IDH3G: variants seen among roughly 807,000 people sequenced by gnomAD.
IDH3G encodes isocitrate dehydrogenase [NAD] subunit gamma, mitochondrial.
Under a neutral mutation model 26.9 loss-of-function variants are expected in IDH3G, and 9 were observed. The observed-to-expected ratio is 0.34, with a 90% confidence interval of 0.20 to 0.58. The LOEUF (loss-of-function observed/expected upper bound fraction) is 0.58. Ranked by LOEUF, IDH3G falls within the 20% of genes least tolerant of loss-of-function variation. The pLI, the probability that IDH3G is intolerant of heterozygous loss-of-function variation, is 0.85. For missense variants in IDH3G, 250 were observed against 372.8 expected (o/e 0.67, Z 2.71); for synonymous variants, 181 against 160.0 (o/e 1.13, Z -0.99).
In IDH3G at chrX:153,786,782, C is replaced by T; in HGVS notation, c.924+19G>A. On this transcript the variant is annotated intron_variant, in intron 10 of 12. Coordinates refer to ENST00000217901, the MANE Select transcript of IDH3G (RefSeq NM_004135.4). Reference sequence around the variant, plus strand: ...ACAGGAGAAAGGCGGCAAGCCGCGGCACTGCCACCGGCACTCACTGTTTCA... The same window carrying T: ...ACAGGAGAAAGGCGGCAAGCCGCGGTACTGCCACCGGCACTCACTGTTTCA... 1 of 1,194,069 alleles carries T rather than the reference C, an allele frequency of 8.4e-7. No individual in the cohort carries two copies. The highest frequency in any genetic ancestry group is 1.1e-6 in the Non-Finnish European group (1 of 882,600).
intron 9 of IDH3G, 25 bp from the exon 10 acceptor site, chrX:153,786,972 TGAG>T: frequency 8.3e-7 from 1 of 1,203,669 alleles, no homozygotes. Context: ...GGGGGCTGGC[TGAG>T]GAGCAGATTC....
Position 153,793,734 on chromosome X carries a change from C to T in IDH3G, c.81+512G>A, listed in dbSNP as rs782682583. On this transcript the variant is annotated intron_variant, in intron 1 of 12. Transcript: ENST00000217901. ...GCAAAACCCCCGCAGCCTCAGAAACCCTAGCTCCTTCCCATTCCAGGCGCC... is the reference window on the plus strand; with the variant it reads ...GCAAAACCCCCGCAGCCTCAGAAACTCTAGCTCCTTCCCATTCCAGGCGCC... 1.4e-3 allele frequency: 160 copies of T among 112,290 alleles called. 1 individual carries two copies. The highest frequency in any genetic ancestry group is 1.8e-3 in the Non-Finnish European group (94 of 53,269). The allele number at this position is 112,290 out of a possible 1,213,427, so 9.3% of individuals were successfully genotyped here.
intron 1 of IDH3G, among the ~76,000 whole-genome samples, chrX:153,793,026 G>A (rs782544985): frequency 1.2e-4 from 13 of 111,995 alleles, no homozygotes; most frequent in Admixed American, 2.8e-4. Flanking sequence ...TTCCTATGGC[G>A]TCCAAATCAG....
In IDH3G at chrX:153,786,914, C is replaced by T. The variant is rs2092090729; in HGVS notation, c.811G>A (p.Val271Met). Residue 271 changes from valine to methionine, a missense_variant, in exon 10 of 13, where the codon GTG (valine) becomes ATG (methionine). Physicochemically the swap from Val to Met is conservative, Grantham distance 21. Transcript: ENST00000217901. ...ATGTTGCCATAGAGATTGGGCATCA[C>T]CATGACATCAAACTGCTGGGGCCGG... ...VSRPQQFDVMVMPNLYGNIVN... is the reference protein window; with the variant it reads ...VSRPQQFDVMMMPNLYGNIVN... 8.3e-7 allele frequency: 1 copy of T among 1,209,381 alleles called. No homozygotes were observed.
chrX:153,789,862 C>A (rs782562943), intron 4 of IDH3G, 38 bp from the exon 5 acceptor site: 172 of 919,493 alleles, frequency 1.9e-4, no homozygotes, highest in Non-Finnish European at 2.3e-4. Flanking sequence ...GGCCCAGACC[C>A]CCCCGCACCT....
chrX:153,787,793 G>A (rs781961831), intron 7 of IDH3G, 30 bp downstream of exon 7: 10 of 1,194,270 alleles, frequency 8.4e-6, no homozygotes, highest in South Asian at 1.8e-5. Context: ...TTGACGCTGG[G>A]GGGGCTCATC....
In IDH3G at chrX:153,790,211, C is replaced by G. The variant is rs1018622987; in HGVS notation, c.217G>C (p.Val73Leu). 60 of 1,208,146 alleles carry G rather than the reference C, an allele frequency of 5.0e-5. No individual in the cohort carries two copies. The highest frequency in any genetic ancestry group is 6.5e-5 in the Non-Finnish European group (58 of 891,879). ...GCTCCATACCTGAAGACGGACTTGA[C>G]ATGCAGCATGAGCTCTGGCCCGATG... ...DGIGPELMLH[V>L]KSVFRHACVP... is the part of the protein sequence containing the mutation. The change falls in exon 4 of 13, where the codon GTC (valine) becomes CTC (leucine). Residue 73 changes from valine to leucine, a missense_variant. Around this residue, in one of 2 missense-constraint regions of IDH3G, gnomAD observed 201 missense variants for 331.3 expected, o/e 0.61. Transcript: ENST00000217901.
intron 5 of IDH3G, among the ~76,000 whole-genome samples, chrX:153,789,458 C>T (rs782384021): frequency 1.8e-5 from 2 of 112,296 alleles, no homozygotes; most frequent in African/African-American, 3.2e-5. Flanking sequence ...GCAGGAGAAT[C>T]GCTTGAAACT....
chrX:153,791,151 C>T (rs1305469115), intron 1 of IDH3G: 1 of 317,858 alleles, frequency 3.1e-6, no homozygotes, highest in African/African-American at 2.7e-5. Context: ...TTTTTTTGGC[C>T]AGTTATTCCC....
In IDH3G at chrX:153,785,963, G is replaced by A. The variant is rs782132057; in HGVS notation, c.1091C>T (p.Pro364Leu). The A allele has an allele frequency of 2.8e-5, 34 of 1,209,530 alleles. No individual in the cohort carries two copies. Among genetic ancestry groups the A allele is most frequent in the Middle Eastern group, 2.3e-4 (1 of 4,375 alleles). ...ASMDNENMHT[P>L]DIGGQGTTSE... ...TGTTGTGCCCTGGCCCCCGATGTCC[G>A]GAGTGTGCATCTGTAGGACACAGGC... The change falls in exon 13 of 13, where the codon CCG (proline) becomes CTG (leucine). Residue 364 changes from proline to leucine, a missense_variant. By Grantham distance (98) the Pro-to-Leu change is moderately conservative. Around this residue, in one of 2 missense-constraint regions of IDH3G, gnomAD observed 201 missense variants for 331.3 expected, o/e 0.61. Coordinates refer to ENST00000217901, the MANE Select transcript of IDH3G (RefSeq NM_004135.4).
intron 10 of IDH3G, 107 bp from the exon 11 acceptor site, chrX:153,786,556 C>G (rs1415988955): frequency 4.1e-5 from 28 of 688,429 alleles, no homozygotes; most frequent in Admixed American, 1.5e-4. Context: ...GGACAAAAGC[C>G]CACCAGCGGG....
At position 153,787,541 on chromosome X, in the gene IDH3G, GC is replaced by G; in HGVS notation, c.596del (p.Arg199ProfsTer18). ...LKIITKAKSL[R>X]IAEYAFKLAQ... is the part of the protein sequence containing the mutation. ...CCAGCTTGAAGGCATACTCGGCAAT[GC>G]GCAGGGACTTGGCCTTGGTGATGAT... is the stretch of plus-strand genomic sequence containing the variant. On this transcript the variant is annotated frameshift_variant, in exon 8 of 13. Coordinates refer to ENST00000217901, the MANE Select transcript of IDH3G (RefSeq NM_004135.4). LOFTEE classifies it high-confidence loss of function. 8.3e-7 allele frequency: 1 copy of G among 1,211,326 alleles called. No individual in the cohort carries two copies.
intron 5 of IDH3G, among the ~76,000 whole-genome samples, chrX:153,788,354 C>T (rs1172565988): frequency 3.5e-5 from 4 of 112,784 alleles, no homozygotes; most frequent in Non-Finnish European, 7.5e-5. Flanking sequence ...AACCCCTGAA[C>T]GACGGAATGA....
rs1557071449 is a variant in IDH3G at position 153,794,359 on chromosome X, A to C, written c.-33T>G. The C allele has an allele frequency of 8.5e-7, 1 of 1,176,647 alleles. No homozygotes were observed. Among genetic ancestry groups the C allele is most frequent in the Admixed American group, 2.3e-5 (1 of 44,098 alleles). On this transcript the variant is annotated 5_prime_UTR_variant, in exon 1 of 13. Transcript: ENST00000217901. Reference sequence around the variant, plus strand: ...AGTGAGAGCCTCCGCACGTCCCGACACGCAGATACCGCTCTCGCGAGAGTT... The same window carrying C: ...AGTGAGAGCCTCCGCACGTCCCGACCCGCAGATACCGCTCTCGCGAGAGTT...
intron 1 of IDH3G, chrX:153,793,542 A>G (rs1603256599): frequency 8.9e-6 from 1 of 112,356 alleles, no homozygotes; most frequent in Non-Finnish European, 1.9e-5. Context: ...GTGTGGGAGC[A>G]TGGCCTAGAG....
rs1569542628 is a variant in IDH3G, at chrX:153,785,811, C to T, written c.*61G>A. The T allele has an allele frequency of 8.6e-7, 1 of 1,157,660 alleles. No homozygotes were observed. The highest frequency in any genetic ancestry group is 1.2e-6 in the Non-Finnish European group (1 of 849,729). ...TTCTGGGATCTGCGTACCAGGCTGGCTGGGGTGCTGGAGTGGGAAGGGGAA... is the reference window on the plus strand; with the variant it reads ...TTCTGGGATCTGCGTACCAGGCTGGTTGGGGTGCTGGAGTGGGAAGGGGAA... On this transcript the variant is annotated 3_prime_UTR_variant, in exon 13 of 13. Coordinates refer to ENST00000217901, the MANE Select transcript of IDH3G (RefSeq NM_004135.4).
intron 12 of IDH3G, 27 bp downstream of exon 12, chrX:153,786,185 C>T (rs2092086914): frequency 1.7e-6 from 2 of 1,207,759 alleles, no homozygotes; most frequent in Non-Finnish European, 2.2e-6. Context: ...GGCGGGGCAG[C>T]AGGGTAGGGT....
Position 153,794,373 on chromosome X carries a change from C to A in IDH3G, c.-47G>T. ...CACGTCCCGACACGCAGATACCGCT[C>A]TCGCGAGAGTTCGACGGGGTGCGAA... On this transcript the variant is annotated 5_prime_UTR_variant, in exon 1 of 13. Coordinates refer to ENST00000217901, the MANE Select transcript of IDH3G (RefSeq NM_004135.4). The A allele has an allele frequency of 8.6e-7, 1 of 1,167,969 alleles. No homozygotes were observed.
Position 153,787,886 on chromosome X carries a change from C to T in IDH3G, c.477G>A (p.Lys159=), listed in dbSNP as rs2148444387. Residue 159 remains lysine, a synonymous_variant, in exon 7 of 13, where the codon AAG becomes AAA. Coordinates refer to ENST00000217901, the MANE Select transcript of IDH3G (RefSeq NM_004135.4). ...KSLPGVVTRH[K]DIDILIVREN... is the part of the protein sequence containing the mutation. ...CCCGGACAATGAGGATGTCTATGTC[C>T]TTGTGCCGGGTCACCACGCCTGGAA... 2.5e-6 allele frequency: 3 copies of T among 1,211,179 alleles called. No homozygotes were observed. Among genetic ancestry groups the T allele is most frequent in the South Asian group, 3.5e-5 (2 of 57,016 alleles).
Sources: allele counts gnomAD v4.1 joint callset (sites outside exome capture counted in the v4.1 genomes callset), GRCh38; gene constraint gnomAD v4.1.1; regional missense constraint gnomAD v4.1.1; transcripts MANE v1.5; gene names NCBI Gene and HGNC (gene_info 2026-07-23, HGNC 2026-07-21).